Variants in CALHM4 observed in about 807,000 individuals in gnomAD.
CALHM4 encodes the protein calcium homeostasis modulator protein 4.
CALHM4 carries 16 observed loss-of-function variants against 13.3 expected under a neutral mutation model. The ratio of observed to expected loss-of-function variants is 1.20; its 90% CI spans 0.81 to 1.82. The LOEUF is 1.82. Ranked by LOEUF, CALHM4 falls within the 40% of genes most tolerant of loss-of-function variation. The pLI, the probability that CALHM4 is intolerant of heterozygous loss-of-function variation, is 0.00. For synonymous variants in CALHM4, 127 were observed against 137.1 expected, an observed-to-expected ratio of 0.93 and a Z score of 0.52; for missense variants, 344 against 374.9, an observed-to-expected ratio of 0.92 and a Z score of 0.68.
At chr6:116,539,299 C>G (rs1443636221) in intron 1 of CALHM4, among the ~76,000 whole-genome samples, 1 of 152,050 alleles carries the variant, frequency 6.6e-6, no homozygotes, top group African/African-American at 2.4e-5. Context: ...TTTCCCCAGC[C>G]TGGTTAGTGG....
At chr6:116,552,784 C>A (rs1418785552), upstream of CALHM4, among the ~76,000 whole-genome samples, 1 of 152,098 alleles carries the variant, frequency 6.6e-6, no homozygotes, top group Non-Finnish European at 1.5e-5. Flanking sequence ...TTATTAAAAA[C>A]CAAATATCGG....
At chr6:116,546,728 T>C (rs1314437351) in intron 2 of CALHM4, among the ~76,000 whole-genome samples, 1 of 152,184 alleles carries the variant, frequency 6.6e-6, no homozygotes, top group Non-Finnish European at 1.5e-5. Context: ...CACATTAAAA[T>C]GCACCATATA....
At chr6:116,533,349 A>G (rs886337785) in intron 1 of CALHM4, among the ~76,000 whole-genome samples, 7 of 152,220 alleles carry the variant, frequency 4.6e-5, no homozygotes, top group African/African-American at 1.4e-4. Context: ...TTTATTTCAG[A>G]AGAAAAGTTT....
rs1205171169 is a variant in CALHM4 at position 116,547,691 on chromosome 6, A to G, written c.-1+3819A>G. On this transcript the variant is annotated intron_variant, in intron 2 of 2. Transcript: ENST00000368597. ...CTCCCTTAAATAGAAGAAAGCACAG[A>G]GATGATGTTTCAAGCGGGTACATGA... 3.9e-5 allele frequency among the ~76,000 whole-genome samples: 6 copies of G among 152,340 alleles called. No individual in the cohort carries two copies. The East Asian group carries it at 1.2e-3, about 29-fold the overall frequency.
chr6:116,551,811 A>T (rs1408289465), upstream of CALHM4, among the ~76,000 whole-genome samples: 5 of 152,190 alleles, frequency 3.3e-5, no homozygotes, highest in African/African-American at 1.2e-4. Context: ...TGGTTACTCC[A>T]TTTCACATTC....
At chr6:116,545,213 C>T (rs933253120) in intron 2 of CALHM4, among the ~76,000 whole-genome samples, 18 of 151,518 alleles carry the variant, frequency 1.2e-4, no homozygotes, top group African/African-American at 4.1e-4. Context: ...TATTTTCTGT[C>T]AGAGGTGAAA....
chr6:116,552,999 G>A (rs930323147), upstream of CALHM4, among the ~76,000 whole-genome samples: 7 of 152,264 alleles, frequency 4.6e-5, no homozygotes, highest in African/African-American at 1.7e-4. Flanking sequence ...GCGTGAACCC[G>A]GGAGGCGGAG....
intron 1 of CALHM4, among the ~76,000 whole-genome samples, chr6:116,538,943 C>T (rs1468889683): frequency 6.6e-6 from 1 of 151,978 alleles, no homozygotes; most frequent in Non-Finnish European, 1.5e-5. Flanking sequence ...GTTGGCCAGG[C>T]TGGTCTCGAT....
intron 1 of CALHM4, among the ~76,000 whole-genome samples, chr6:116,534,418 T>A (rs1393588721): frequency 1.3e-5 from 2 of 152,166 alleles, no homozygotes; most frequent in Non-Finnish European, 2.9e-5. Flanking sequence ...TCCTATAGAT[T>A]CAGTCATAGC....
chr6:116,549,831 C>T (rs1369979301), upstream of CALHM4, among the ~76,000 whole-genome samples: 1 of 150,962 alleles, frequency 6.6e-6, no homozygotes, highest in Non-Finnish European at 1.5e-5. Context: ...CAAAATTTAG[C>T]TGGGCATGGT....
At position 116,561,025 on chromosome 6, in the gene CALHM4, C is replaced by T. The variant is rs1355757411; in HGVS notation, c.*2814C>T. Among the ~76,000 whole-genome samples the T allele has an allele frequency of 6.6e-6, 1 of 152,200 alleles. No individual in the cohort carries two copies. The highest frequency in any genetic ancestry group is 2.4e-5 in the African/African-American group (1 of 41,448). ...GCTGAATTGTAGAACCGCATTTATA[C>T]TCTGTCCTTCTCTGTGTCTCTTTTC... On this transcript the variant is annotated 3_prime_UTR_variant, in exon 2 of 2. Coordinates refer to ENST00000368596, the MANE Select transcript of CALHM4 (RefSeq NM_001366078.2).
In CALHM4 at chr6:116,559,956, A is replaced by G. The variant is rs531857933; in HGVS notation, c.*1745A>G. On this transcript the variant is annotated 3_prime_UTR_variant, in exon 2 of 2. Coordinates refer to ENST00000368596, the MANE Select transcript of CALHM4 (RefSeq NM_001366078.2). ...ATGTACTGATCTTTTTCAAGTCATC[A>G]AGGAAAGCCATTCCAGTTTGTCTAC... 1.3e-5 allele frequency among the ~76,000 whole-genome samples: 2 copies of G among 152,192 alleles called. No homozygotes were observed. Among genetic ancestry groups the G allele is most frequent in the African/African-American group, 2.4e-5 (1 of 41,452 alleles).
At chr6:116,529,270 TC>T in intron 1 of CALHM4, 1 of 152,356 alleles carries the variant, frequency 6.6e-6, no homozygotes, top group Admixed American at 6.5e-5. Context: ...CCTACTTCAA[TC>T]TTTTGGCTGG....
In CALHM4 at chr6:116,553,820, G is replaced by T; in HGVS notation, c.27G>T (p.Val9=). MCPTLNNI[V]SSLQRNGIFI... is the part of the protein sequence containing the mutation. Reference sequence around the variant, plus strand: ...TGTGCCCAACTCTCAACAATATTGTGTCTTCTCTGCAGAGAAATGGAATAT... The same window carrying T: ...TGTGCCCAACTCTCAACAATATTGTTTCTTCTCTGCAGAGAAATGGAATAT... The change falls in exon 1 of 2, where the codon GTG becomes GTT. Residue 9 remains valine, a synonymous_variant. Coordinates refer to ENST00000368596, the MANE Select transcript of CALHM4 (RefSeq NM_001366078.2). 6.4e-7 allele frequency: 1 copy of T among 1,550,528 alleles called. No homozygotes were observed. The highest frequency in any genetic ancestry group is 1.4e-5 in the African/African-American group (1 of 73,146).
intron 1 of CALHM4, among the ~76,000 whole-genome samples, chr6:116,530,881 G>A (rs1015995622): frequency 2.5e-4 from 30 of 119,308 alleles, no homozygotes; most frequent in African/African-American, 8.0e-4. Context: ...TGAGCAGAAG[G>A]TTCATAGATA....
In CALHM4 at chr6:116,554,311, T is replaced by A; in HGVS notation, c.518T>A (p.Val173Glu). Residue 173 changes from valine to glutamate, a missense_variant, in exon 1 of 2, where the codon GTA becomes GAA. Coordinates refer to ENST00000368596, the MANE Select transcript of CALHM4 (RefSeq NM_001366078.2). ...CRSAPSDVIL[V>E]RDEIALLHRY... Reference sequence around the variant, plus strand: ...TCAGCTCCTTCTGACGTGATCCTAGTAAGAGATGAAATAGCTCTTCTGCAC... The same window carrying A: ...TCAGCTCCTTCTGACGTGATCCTAGAAAGAGATGAAATAGCTCTTCTGCAC... 1 of 1,549,174 alleles carries A rather than the reference T, an allele frequency of 6.5e-7. No individual in the cohort carries two copies. The highest frequency in any genetic ancestry group is 8.7e-7 in the Non-Finnish European group (1 of 1,146,870).
rs755107724 is a variant in CALHM4 at position 116,554,159 on chromosome 6, C to T, written c.366C>T (p.Thr122=). 6.4e-7 allele frequency: 1 copy of T among 1,550,466 alleles called. No homozygotes were observed. Among genetic ancestry groups the T allele is most frequent in the South Asian group, 1.2e-5 (1 of 84,062 alleles). Residue 122 remains threonine (T), a synonymous_variant, in exon 1 of 2, where the codon ACC becomes ACT. Coordinates refer to ENST00000368596, the MANE Select transcript of CALHM4 (RefSeq NM_001366078.2). ...VIAPLTWLAV[T]LLTGTYYECA... ...CTCCTTTAACTTGGCTGGCGGTGAC[C>T]CTGCTGACAGGCACGTATTATGAAT...
chr6:116,560,450 T>G lies in CALHM4; in HGVS notation c.*2239T>G, dbSNP rs1258633378. On this transcript the variant is annotated 3_prime_UTR_variant, in exon 2 of 2. Coordinates refer to ENST00000368596, the MANE Select transcript of CALHM4 (RefSeq NM_001366078.2). ...TCTTTTAGTGTATGATGTAAAAATT[T>G]TATATTTTGAGCCAGTTAATCATGA... Among the ~76,000 whole-genome samples the G allele has an allele frequency of 6.6e-6, 1 of 152,138 alleles. No homozygotes were observed. Among genetic ancestry groups the G allele is most frequent in the Non-Finnish European group, 1.5e-5 (1 of 68,004 alleles).
chr6:116,543,696 T>A (rs1005667736), intron 1 of CALHM4: 3 of 900,780 alleles, frequency 3.3e-6, no homozygotes, highest in Non-Finnish European at 5.1e-6. Context: ...TGGAGGACAG[T>A]TTTTTAAAAA....
Sources: allele counts gnomAD v4.1 joint callset (sites outside exome capture counted in the v4.1 genomes callset), GRCh38; gene constraint gnomAD v4.1.1; transcripts MANE v1.5; gene names NCBI Gene and HGNC (gene_info 2026-07-23, HGNC 2026-07-21).